The following DDX6 variants were observed in gnomAD, a reference collection of about 807,000 sequenced individuals.
DDX6 encodes DEAD-box helicase 6, also known as probable ATP-dependent RNA helicase DDX6.
In DDX6, 7 loss-of-function variants were observed where a neutral mutation model predicts 60.6. That is an observed-to-expected ratio of 0.12 (90% CI 0.07 to 0.22). DDX6 has a LOEUF of 0.22. Ranked by LOEUF, DDX6 falls within the 10% of genes least tolerant of loss-of-function variation. DDX6 has a pLI of 1.00. For missense variants in DDX6, 270 were observed against 589.9 expected, an observed-to-expected ratio of 0.46 and a Z score of 5.62; for synonymous variants, 207 against 201.0, an observed-to-expected ratio of 1.03 and a Z score of -0.25.
intron 4 of DDX6, among the ~76,000 whole-genome samples, chr11:118,775,539 TA>T (rs1231768898): frequency 9.3e-5 from 14 of 149,810 alleles, no homozygotes; most frequent in Non-Finnish European, 1.8e-4. Flanking sequence ...AAAAAGGCAA[TA>T]AAAAAAAAGA....
At chr11:118,755,293 T>C in intron 12 of DDX6, 109 bp downstream of exon 12, 1 of 660,566 alleles carries the variant, frequency 1.5e-6, no homozygotes, top group Non-Finnish European at 2.7e-6. Flanking sequence ...TTACTGTTAA[T>C]TCACTGTTCT....
At chr11:118,754,557 A>C in intron 13 of DDX6, 148 bp downstream of exon 13, 35 of 647,850 alleles carry the variant, frequency 5.4e-5, no homozygotes, top group Non-Finnish European at 8.8e-5. Context: ...ACCTCCCACA[A>C]GAGATATTAT....
intron 5 of DDX6, among the ~76,000 whole-genome samples, chr11:118,766,059 G>A (rs1039329702): frequency 6.1e-5 from 9 of 148,240 alleles, no homozygotes; most frequent in Admixed American, 1.3e-4. Flanking sequence ...CAACAAGAGC[G>A]AAACTCCGTC....
At chr11:118,762,141 T>TGGTA (rs200045459) in intron 7 of DDX6, among the ~76,000 whole-genome samples, 3,020 of 151,618 alleles carry the variant, frequency 0.02, 38 homozygotes, top group Non-Finnish European at 0.026. Context: ...TGAGCGTGGG[T>TGGTA]GGTACATAAT....
intron 5 of DDX6, chr11:118,767,555 G>A (rs1861394934): frequency 6.7e-6 from 1 of 150,250 alleles, no homozygotes; most frequent in Non-Finnish European, 1.5e-5. Flanking sequence ...ACACTCATCT[G>A]CCACAAGAAA....
At chr11:118,768,515 C>T (rs1245549104) in intron 4 of DDX6, among the ~76,000 whole-genome samples, 163 bp from the exon 5 acceptor site, 3 of 152,126 alleles carry the variant, frequency 2.0e-5, no homozygotes, top group Non-Finnish European at 2.9e-5. Flanking sequence ...TAAATCAGCA[C>T]GACCAGTCAA....
intron 13 of DDX6, among the ~76,000 whole-genome samples, chr11:118,753,219 G>A (rs755301432): frequency 4.6e-5 from 7 of 152,006 alleles, no homozygotes; most frequent in African/African-American, 1.2e-4. Flanking sequence ...TAGTGGACAC[G>A]GGGTCTCACC....
intron 5 of DDX6, chr11:118,767,986 A>T: frequency 2.6e-6 from 1 of 391,630 alleles, no homozygotes; most frequent in Non-Finnish European, 4.6e-6. Context: ...TCTCACTGGA[A>T]TGCTGTCACA....
chr11:118,752,477 T>C (rs1555157681), intron 13 of DDX6, among the ~76,000 whole-genome samples: 1 of 152,162 alleles, frequency 6.6e-6, no homozygotes, highest in East Asian at 1.9e-4. Flanking sequence ...TTAAAAATTA[T>C]TTAAGTAACA....
intron 7 of DDX6, among the ~76,000 whole-genome samples, chr11:118,760,707 G>A (rs538142598): frequency 9.7e-4 from 148 of 151,952 alleles, no homozygotes; most frequent in African/African-American, 3.5e-3. Context: ...TATAATCCCA[G>A]GTACTCGGGA....
intron 2 of DDX6, among the ~76,000 whole-genome samples, chr11:118,782,645 CTTTT>C (rs35854068): frequency 7.0e-6 from 1 of 143,722 alleles, no homozygotes; most frequent in East Asian, 2.0e-4. Flanking sequence ...GTACTAAAGC[CTTTT>C]TTTTTTTTTT....
At chr11:118,768,757 C>T (rs1392617809) in intron 4 of DDX6, among the ~76,000 whole-genome samples, 8 of 152,070 alleles carry the variant, frequency 5.3e-5, no homozygotes, top group Non-Finnish European at 1.2e-4. Flanking sequence ...TGCCTGTAGT[C>T]CCAGCACACT....
At position 118,749,869 on chromosome 11, in the gene DDX6, A is replaced by G. The variant is rs1555156765; in HGVS notation, c.*2236T>C. 1.3e-5 allele frequency: 2 copies of G among 152,562 alleles called. No individual in the cohort carries two copies. The highest frequency in any genetic ancestry group is 4.8e-5 in the African/African-American group (2 of 41,432). The allele number at this position is 152,562 out of a possible 1,614,324, so 9.5% of individuals were successfully genotyped here. A position where few individuals can be genotyped will look rare whatever the true frequency, so the allele number is the denominator to read the frequency against. On this transcript the variant is annotated 3_prime_UTR_variant, in exon 14 of 14. Transcript: ENST00000534980. Reference sequence around the variant, plus strand: ...CTATTTAGTAACCAACATTGACTGGACAGAAAATATGAGGCTTGGGTTCCA... The same window carrying G: ...CTATTTAGTAACCAACATTGACTGGGCAGAAAATATGAGGCTTGGGTTCCA...
rs199880862 is a variant in DDX6 at position 118,764,821 on chromosome 11, T to C, written c.646+388A>G. ...TCCATCTCCAAAAAAAAAAAAAATA[T>C]ACACACACACACACACATTATATAT... On this transcript the variant is annotated intron_variant, in intron 6 of 13. Transcript: ENST00000534980. Among the ~76,000 whole-genome samples, 1,222 of 139,024 alleles carry C rather than the reference T, an allele frequency of 8.8e-3. 19 individuals carry two copies. The highest frequency in any genetic ancestry group is 0.062 in the East Asian group (304 of 4,914). The allele number at this position is 139,024 out of a possible 152,430, so 91.2% of individuals were successfully genotyped here.
chr11:118,758,736 C>G (rs368263913), intron 9 of DDX6, 38 bp downstream of exon 9: 14 of 1,608,080 alleles, frequency 8.7e-6, no homozygotes, highest in African/African-American at 1.3e-5. Flanking sequence ...TACTGGGACT[C>G]GAGAGATAAT....
intron 3 of DDX6, among the ~76,000 whole-genome samples, chr11:118,780,785 T>C (rs190306241): frequency 6.6e-6 from 1 of 152,316 alleles, no homozygotes; most frequent in East Asian, 1.9e-4. Flanking sequence ...CTACTGACAC[T>C]TTGGGCCACA....
intron 6 of DDX6, among the ~76,000 whole-genome samples, chr11:118,764,839 T>C (rs1193676218): frequency 1.8e-4 from 7 of 38,142 alleles, no homozygotes; most frequent in South Asian, 7.7e-4. Flanking sequence ...CACACACACA[T>C]TATATATACA....
chr11:118,777,863 T>C (rs912507585), intron 4 of DDX6, among the ~76,000 whole-genome samples: 3 of 134,978 alleles, frequency 2.2e-5, no homozygotes, highest in Non-Finnish European at 4.6e-5. Flanking sequence ...CACTCCAGCC[T>C]CTCTGACAGA....
intron 6 of DDX6, among the ~76,000 whole-genome samples, chr11:118,764,579 TG>T (rs1379331686): frequency 1.3e-5 from 2 of 151,866 alleles, no homozygotes; most frequent in Non-Finnish European, 2.9e-5. Context: ...CTGAGGCAGG[TG>T]GATCACGAGG....
Sources: gnomAD v4.1 joint callset for allele counts (sites outside exome capture counted in the v4.1 genomes callset) on GRCh38, gnomAD v4.1.1 for gene constraint, MANE v1.5 for transcripts, NCBI Gene and HGNC (gene_info 2026-07-23, HGNC 2026-07-21) for gene names.